The following TMEM132D variants were observed in gnomAD, a reference collection of about 807,000 sequenced individuals.
TMEM132D encodes transmembrane protein 132D.
Under a neutral mutation model 62.3 loss-of-function variants are expected in TMEM132D, and 21 were observed. That is an observed-to-expected ratio of 0.34 (90% CI 0.24 to 0.49). The LOEUF is 0.49. Among genes scored for constraint, TMEM132D ranks in the 20% least tolerant of loss-of-function variants. The pLI, the probability that TMEM132D is intolerant of heterozygous loss-of-function variation, is 0.99. For missense variants in TMEM132D, 1,346 were observed against 1,402.8 expected, an observed-to-expected ratio of 0.96 and a Z score of 0.65; for synonymous variants, 621 against 575.6, an observed-to-expected ratio of 1.08 and a Z score of -1.13.
chr12:129,268,253 G>C (rs185926524), intron 4 of TMEM132D, among the ~76,000 whole-genome samples: 3,169 of 152,194 alleles, frequency 0.021, 42 homozygotes, highest in Non-Finnish European at 0.03. Context: ...AGGCAACCTA[G>C]AGAATGGGAG....
At chr12:129,737,311 T>C (rs148549370) in intron 1 of TMEM132D, among the ~76,000 whole-genome samples, 225 of 152,348 alleles carry the variant, frequency 1.5e-3, no homozygotes, top group African/African-American at 5.1e-3. Context: ...TTGACAACCA[T>C]TGACCTACAA....
At chr12:129,476,627 C>T (rs996089699) in intron 3 of TMEM132D, among the ~76,000 whole-genome samples, 6 of 152,150 alleles carry the variant, frequency 3.9e-5, no homozygotes, top group African/African-American at 1.4e-4. Flanking sequence ...AAGGAGGACC[C>T]ACCTGAGCCT....
At chr12:129,366,025 A>T (rs904086088) in intron 3 of TMEM132D, among the ~76,000 whole-genome samples, 2 of 152,128 alleles carry the variant, frequency 1.3e-5, no homozygotes, top group African/African-American at 4.8e-5. Flanking sequence ...GGCTTGATGT[A>T]CTCATTCTAT....
chr12:129,346,356 T>G (rs1390819968), intron 3 of TMEM132D, among the ~76,000 whole-genome samples: 1 of 4,468 alleles, frequency 2.2e-4, no homozygotes, highest in Non-Finnish European at 0.015. Flanking sequence ...TGGCTAGCAG[T>G]CTCTATTTGT....
At chr12:129,392,054 G>C (rs1267009616) in intron 3 of TMEM132D, among the ~76,000 whole-genome samples, 1 of 151,480 alleles carries the variant, frequency 6.6e-6, no homozygotes, top group Non-Finnish European at 1.5e-5. Flanking sequence ...ACCATGCCTG[G>C]CCTCAGTATT....
chr12:129,495,441 C>A (rs1874922163), intron 3 of TMEM132D, among the ~76,000 whole-genome samples: 1 of 152,132 alleles, frequency 6.6e-6, no homozygotes, highest in African/African-American at 2.4e-5. Context: ...GAGGGTTACA[C>A]AGCAGATGGG....
chr12:129,398,534 T>C (rs1040513010), intron 3 of TMEM132D, among the ~76,000 whole-genome samples: 1 of 152,160 alleles, frequency 6.6e-6, no homozygotes, highest in Non-Finnish European at 1.5e-5. Flanking sequence ...TAAGGGATGA[T>C]AGAAAAGTAT....
intron 4 of TMEM132D, among the ~76,000 whole-genome samples, chr12:129,311,969 G>A (rs1211616208): frequency 6.6e-6 from 1 of 152,136 alleles, no homozygotes; most frequent in Non-Finnish European, 1.5e-5. Flanking sequence ...TTCTAAGTGT[G>A]GACGCAATTG....
In TMEM132D at chr12:129,546,367, G is replaced by A. The variant is rs80040781; in HGVS notation, c.969-15162C>T. Among the ~76,000 whole-genome samples, 644 of 152,184 alleles carry A rather than the reference G, an allele frequency of 4.2e-3. 5 individuals are homozygous for A. The highest frequency in any genetic ancestry group is 0.015 in the African/African-American group (617 of 41,514). ...AATGCTATTGAAAATACATGTCTGCGTGTGTATATTATTCATATTAATAGG... is the reference window on the plus strand; with the variant it reads ...AATGCTATTGAAAATACATGTCTGCATGTGTATATTATTCATATTAATAGG... On this transcript the variant is annotated intron_variant, in intron 2 of 8. Coordinates refer to ENST00000422113, the MANE Select transcript of TMEM132D (RefSeq NM_133448.3).
chr12:129,770,140 G>GTTTTTTTTTTTTTTTTTTTTTTTTTT lies in TMEM132D; in HGVS notation c.80-69443_80-69442insAAAAAAAAAAAAAAAAAAAAAAAAAA, dbSNP rs375230592. Among the ~76,000 whole-genome samples the GTTTTTTTTTTTTTTTTTTTTTTTTTT allele has an allele frequency of 1.9e-5, 2 of 104,310 alleles. 1 individual carries two copies. The highest frequency in any genetic ancestry group is 3.7e-5 in the Non-Finnish European group (2 of 54,156). The allele number at this position is 104,310 out of a possible 152,430, so 68.4% of individuals were successfully genotyped here. On this transcript the variant is annotated intron_variant, in intron 1 of 8. Coordinates refer to ENST00000422113, the MANE Select transcript of TMEM132D (RefSeq NM_133448.3). Reference sequence around the variant, plus strand: ...ATGAGATTCTTTGTGGGTTTTTTTGGTTGTTTTTTTTTTTTTTTTTTGAGA... The same window carrying GTTTTTTTTTTTTTTTTTTTTTTTTTT: ...ATGAGATTCTTTGTGGGTTTTTTTGGTTTTTTTTTTTTTTTTTTTTTTTTTTTTGTTTTTTTTTTTTTTTTTTGAGA...
intron 2 of TMEM132D, among the ~76,000 whole-genome samples, chr12:129,640,884 C>T (rs1017243192): frequency 2.0e-5 from 3 of 152,048 alleles, no homozygotes; most frequent in Non-Finnish European, 4.4e-5. Flanking sequence ...GAGTGCCAAC[C>T]CTACTGTGAA....
chr12:129,757,594 T>C (rs1870211754), intron 1 of TMEM132D, among the ~76,000 whole-genome samples: 1 of 152,026 alleles, frequency 6.6e-6, no homozygotes, highest in Non-Finnish European at 1.5e-5. Context: ...ACCTACTTCT[T>C]CTCCAGTATT....
chr12:129,296,083 CACAT>C (rs938600676), intron 4 of TMEM132D, among the ~76,000 whole-genome samples: 87 of 140,122 alleles, frequency 6.2e-4, no homozygotes, highest in South Asian at 1.9e-3. Flanking sequence ...CACACACACA[CACAT>C]ATATATATAT....
chr12:129,356,734 G>A (rs113154576), intron 3 of TMEM132D, among the ~76,000 whole-genome samples: 21,575 of 150,602 alleles, frequency 0.14, 2,045 homozygotes, highest in African/African-American at 0.26. Context: ...GCATGGTGGT[G>A]TGTGCCTGTA....
intron 1 of TMEM132D, among the ~76,000 whole-genome samples, chr12:129,768,232 G>A (rs1039130824): frequency 6.6e-6 from 1 of 152,070 alleles, no homozygotes; most frequent in Non-Finnish European, 1.5e-5. Flanking sequence ...TGTATATATA[G>A]CTAGAAGTAG....
At chr12:129,353,505 G>A (rs772778419) in intron 3 of TMEM132D, among the ~76,000 whole-genome samples, 7 of 151,992 alleles carry the variant, frequency 4.6e-5, no homozygotes, top group Non-Finnish European at 8.8e-5. Flanking sequence ...CCTCCACATC[G>A]CTGAGTCAAA....
chr12:129,268,072 A>G (rs1467344516), intron 4 of TMEM132D, among the ~76,000 whole-genome samples: 1 of 152,238 alleles, frequency 6.6e-6, no homozygotes, highest in Non-Finnish European at 1.5e-5. Context: ...ACCTAAAACC[A>G]TAAAAACCCT....
intron 4 of TMEM132D, among the ~76,000 whole-genome samples, chr12:129,229,371 T>C (rs1879573751): frequency 6.6e-6 from 1 of 152,208 alleles, no homozygotes; most frequent in Non-Finnish European, 1.5e-5. Flanking sequence ...AAACGTACAC[T>C]TCATTTATAG....
chr12:129,255,541 A>G (rs1333477331), intron 4 of TMEM132D, among the ~76,000 whole-genome samples: 1 of 152,260 alleles, frequency 6.6e-6, no homozygotes, highest in African/African-American at 2.4e-5. Flanking sequence ...TCAGATGAAT[A>G]ATAAATAATT....
Sources: allele counts gnomAD v4.1 joint callset (sites outside exome capture counted in the v4.1 genomes callset), GRCh38; gene constraint gnomAD v4.1.1; transcripts MANE v1.5; gene names NCBI Gene and HGNC (gene_info 2026-07-23, HGNC 2026-07-21).